The following ATRNL1 variants were observed in gnomAD, a reference collection of about 807,000 sequenced individuals.
ATRNL1 encodes attractin like 1.
ATRNL1 carries 95 observed loss-of-function variants against 182.7 expected under a neutral mutation model. The ratio of observed to expected loss-of-function variants is 0.52; its 90% CI spans 0.44 to 0.62. ATRNL1 has a LOEUF of 0.62. Ranked by LOEUF, ATRNL1 falls within the 20% of genes least tolerant of loss-of-function variation. ATRNL1 has a pLI of 0.00. For missense variants in ATRNL1, 1,471 were observed against 1,679.5 expected (o/e 0.88, Z 2.17); for synonymous variants, 576 against 568.3 (o/e 1.01, Z -0.19).
rs1555081761 is a variant in ATRNL1 at position 115,791,452 on chromosome 10, G to A, written c.3904-56425G>A. Reference sequence around the variant, plus strand: ...CAGGTTAAGAAATAAGAAGCTCCCTGGGTGTTCGGAAAGGTAACCACTGTT... The same window carrying A: ...CAGGTTAAGAAATAAGAAGCTCCCTAGGTGTTCGGAAAGGTAACCACTGTT... On this transcript the variant is annotated intron_variant, in intron 27 of 28. Coordinates refer to ENST00000355044, the MANE Select transcript of ATRNL1 (RefSeq NM_207303.4). Among the ~76,000 whole-genome samples the A allele has an allele frequency of 1.3e-5, 2 of 152,060 alleles. 1 individual carries two copies. The highest frequency in any genetic ancestry group is 4.1e-4 in the South Asian group (2 of 4,822).
chr10:115,313,090 G>C (rs1303986758), intron 17 of ATRNL1, among the ~76,000 whole-genome samples: 1 of 151,694 alleles, frequency 6.6e-6, no homozygotes, highest in Non-Finnish European at 1.5e-5. Flanking sequence ...ATCTCCTTGA[G>C]TAACATAGTA....
chr10:115,895,679 G>T (rs1952188887), intron 28 of ATRNL1, among the ~76,000 whole-genome samples: 1 of 152,192 alleles, frequency 6.6e-6, no homozygotes, highest in Non-Finnish European at 1.5e-5. Flanking sequence ...GGACCCGGTG[G>T]TCAAAGATGC....
At chr10:115,225,733 T>A (rs1430886845) in intron 9 of ATRNL1, among the ~76,000 whole-genome samples, 3 of 151,268 alleles carry the variant, frequency 2.0e-5, no homozygotes, top group Non-Finnish European at 4.4e-5. Context: ...TTTAAATATA[T>A]CTCAGACCAA....
chr10:115,507,970 C>T (rs1339758003), intron 24 of ATRNL1, among the ~76,000 whole-genome samples: 2 of 151,966 alleles, frequency 1.3e-5, no homozygotes, highest in Non-Finnish European at 2.9e-5. Flanking sequence ...TTTTACTTCG[C>T]ATTATTGCAC....
Position 115,603,307 on chromosome 10 carries a change from A to G in ATRNL1, c.3795+53771A>G, listed in dbSNP as rs77108926. 9.1e-3 allele frequency among the ~76,000 whole-genome samples: 1,382 copies of G among 152,274 alleles called. 16 individuals are homozygous for G. Among genetic ancestry groups the G allele is most frequent in the Non-Finnish European group, 0.014 (960 of 68,008 alleles). On this transcript the variant is annotated intron_variant, in intron 26 of 28. Transcript: ENST00000355044. Reference sequence around the variant, plus strand: ...GCCCACCAAGAATTGCTTCATTAGAACAAAAGATGCTAATATCGCCTGGGA... The same window carrying G: ...GCCCACCAAGAATTGCTTCATTAGAGCAAAAGATGCTAATATCGCCTGGGA...
chr10:115,704,128 C>G (rs1022321002), intron 26 of ATRNL1, among the ~76,000 whole-genome samples: 1 of 151,922 alleles, frequency 6.6e-6, no homozygotes, highest in Non-Finnish European at 1.5e-5. Flanking sequence ...GAAATGTATT[C>G]TTTTACGATT....
intron 26 of ATRNL1, among the ~76,000 whole-genome samples, chr10:115,598,938 T>C (rs1281326995): frequency 6.6e-6 from 1 of 152,208 alleles, no homozygotes; most frequent in Non-Finnish European, 1.5e-5. Flanking sequence ...TGTTATACTT[T>C]ATTGAAAGTT....
chr10:115,679,622 TA>T (rs1555044057), intron 26 of ATRNL1, among the ~76,000 whole-genome samples: 1 of 152,132 alleles, frequency 6.6e-6, no homozygotes, highest in African/African-American at 2.4e-5. Flanking sequence ...TAATAACCCC[TA>T]ATTTGATATT....
intron 8 of ATRNL1, among the ~76,000 whole-genome samples, chr10:115,175,009 T>C (rs1847444558): frequency 6.6e-6 from 1 of 151,966 alleles, no homozygotes; most frequent in African/African-American, 2.4e-5. Flanking sequence ...CCACGGAGCA[T>C]ATTTTTAAAA....
chr10:115,941,103 C>T (rs781924260), intron 28 of ATRNL1, among the ~76,000 whole-genome samples: 11 of 152,134 alleles, frequency 7.2e-5, no homozygotes, highest in Non-Finnish European at 1.2e-4. Flanking sequence ...GAGTGCACCA[C>T]GGCGAACACT....
Position 115,205,480 on chromosome 10 carries a change from AC to A in ATRNL1, c.1349-10216del, listed in dbSNP as rs529202924. ...ACTTCTTGAGTGTAATTGTTGATAT[AC>A]TTAAACTTAGGTCTACTATTTTATT... On this transcript the variant is annotated intron_variant, in intron 8 of 28. Transcript: ENST00000355044. Among the ~76,000 whole-genome samples the A allele has an allele frequency of 6.6e-5, 10 of 151,736 alleles. No individual in the cohort carries two copies. The East Asian group carries it at 1.9e-3, about 29-fold the overall frequency.
intron 15 of ATRNL1, among the ~76,000 whole-genome samples, chr10:115,286,872 A>C (rs993860682): frequency 6.6e-6 from 1 of 151,984 alleles, no homozygotes; most frequent in East Asian, 1.9e-4. Context: ...GTCTCTAAAC[A>C]ATACGGCATA....
chr10:115,752,746 G>A (rs1156323865), intron 27 of ATRNL1, among the ~76,000 whole-genome samples: 1 of 152,058 alleles, frequency 6.6e-6, no homozygotes, highest in Non-Finnish European at 1.5e-5. Flanking sequence ...AAATAGACAA[G>A]AAAATGATAG....
chr10:115,287,999 T>C (rs1266429524), intron 15 of ATRNL1, among the ~76,000 whole-genome samples: 1 of 151,744 alleles, frequency 6.6e-6, no homozygotes, highest in Non-Finnish European at 1.5e-5. Flanking sequence ...TGGGCCTCTC[T>C]TATTTTACTT....
At chr10:115,521,013 T>A (rs1381339458) in intron 25 of ATRNL1, among the ~76,000 whole-genome samples, 2 of 152,366 alleles carry the variant, frequency 1.3e-5, no homozygotes, top group East Asian at 3.9e-4. Flanking sequence ...ATATGTTTAA[T>A]ATTTTACAAC....
At chr10:115,561,864 C>A (rs1443094138) in intron 26 of ATRNL1, among the ~76,000 whole-genome samples, 3 of 152,106 alleles carry the variant, frequency 2.0e-5, no homozygotes, top group African/African-American at 4.8e-5. Flanking sequence ...CAATAATCAT[C>A]ACCAATTATC....
chr10:115,853,450 G>A (rs781882665), intron 28 of ATRNL1, among the ~76,000 whole-genome samples: 43 of 152,142 alleles, frequency 2.8e-4, no homozygotes, highest in Non-Finnish European at 5.0e-4. Context: ...AATGGACTCC[G>A]GGTCTGCTGG....
At chr10:115,306,413 C>A (rs1472088974) in intron 17 of ATRNL1, among the ~76,000 whole-genome samples, 1 of 152,070 alleles carries the variant, frequency 6.6e-6, no homozygotes, top group Non-Finnish European at 1.5e-5. Flanking sequence ...TCTTTTTTAT[C>A]CCCCCTTTGG....
intron 20 of ATRNL1, among the ~76,000 whole-genome samples, chr10:115,420,112 C>T (rs1466947409): frequency 3.4e-5 from 5 of 145,884 alleles, no homozygotes; most frequent in African/African-American, 1.3e-4. Flanking sequence ...GGTGCTATCT[C>T]GGCTTAGTGC....
Sources: allele counts gnomAD v4.1 joint callset (sites outside exome capture counted in the v4.1 genomes callset), GRCh38; gene constraint gnomAD v4.1.1; transcripts MANE v1.5; gene names NCBI Gene and HGNC (gene_info 2026-07-23, HGNC 2026-07-21).